The following DTHD1 variants were observed in gnomAD, a reference collection of about 807,000 sequenced individuals.
The protein encoded by DTHD1 is death domain containing 1, also known as death domain-containing protein 1.
DTHD1 carries 59 observed loss-of-function variants against 74.8 expected under a neutral mutation model. That is an observed-to-expected ratio of 0.79 (90% confidence interval 0.64 to 0.98). The LOEUF (loss-of-function observed/expected upper bound fraction) is 0.98. Ranked by LOEUF, DTHD1 falls within the 50% of genes least tolerant of loss-of-function variation. The pLI, the probability that DTHD1 is intolerant of heterozygous loss-of-function variation, is 0.00. For missense variants in DTHD1, 1,051 were observed against 1,065.4 expected (o/e 0.99, Z 0.19); for synonymous variants, 365 against 371.1 (o/e 0.98, Z 0.19).
At position 36,344,263 on chromosome 4, in the gene DTHD1, G is replaced by C. The variant is rs1275967416; in HGVS notation, c.*439G>C. 5.8e-6 allele frequency: 1 copy of C among 171,394 alleles called. No individual in the cohort carries two copies. Among genetic ancestry groups the C allele is most frequent in the Non-Finnish European group, 1.3e-5 (1 of 78,740 alleles). The allele number at this position is 171,394 out of a possible 1,614,324, so 10.6% of individuals were successfully genotyped here. A position where few individuals can be genotyped will look rare whatever the true frequency, so the allele number is the denominator to read the frequency against. On this transcript the variant is annotated 3_prime_UTR_variant, in exon 10 of 10. Coordinates refer to ENST00000639862, the MANE Select transcript of DTHD1 (RefSeq NM_001170700.3). ...CAATTTAGAAAGATTATTTTGCCAA[G>C]GTTAAGGACAGGCCCGTAACAGCCT...
intron 8 of DTHD1, among the ~76,000 whole-genome samples, chr4:36,331,378 T>C (rs1291111511): frequency 6.6e-6 from 1 of 152,180 alleles, no homozygotes; most frequent in Non-Finnish European, 1.5e-5. Context: ...CTTACTTAGT[T>C]GAAGTGGTCT....
intron 8 of DTHD1, among the ~76,000 whole-genome samples, chr4:36,317,735 T>C (rs1757812786): frequency 6.6e-6 from 1 of 152,236 alleles, no homozygotes; most frequent in Admixed American, 6.5e-5. Context: ...TAGTAACTGA[T>C]TGAAGTTATA....
chr4:36,328,434 T>C (rs534091278), intron 8 of DTHD1, among the ~76,000 whole-genome samples: 16 of 152,366 alleles, frequency 1.1e-4, no homozygotes, highest in African/African-American at 3.6e-4. Flanking sequence ...ATGCTGGTAC[T>C]ACGATCTTTT....
At chr4:36,319,419 G>A (rs1394359554) in intron 8 of DTHD1, among the ~76,000 whole-genome samples, 1 of 152,216 alleles carries the variant, frequency 6.6e-6, no homozygotes, top group Non-Finnish European at 1.5e-5. Context: ...TTAACTGACA[G>A]GCTAAGGCAT....
At chr4:36,329,269 G>A (rs1426961973) in intron 8 of DTHD1, among the ~76,000 whole-genome samples, 2 of 152,174 alleles carry the variant, frequency 1.3e-5, no homozygotes, top group Non-Finnish European at 2.9e-5. Flanking sequence ...AACTTCTGTA[G>A]CCTTGGATAG....
intron 7 of DTHD1, among the ~76,000 whole-genome samples, chr4:36,314,011 A>G (rs540919558): frequency 3.3e-5 from 5 of 151,914 alleles, no homozygotes; most frequent in Non-Finnish European, 7.4e-5. Context: ...TTTTTTAACC[A>G]AAGTGAGACA....
chr4:36,329,392 T>C (rs1316712066), intron 8 of DTHD1, among the ~76,000 whole-genome samples: 2 of 152,326 alleles, frequency 1.3e-5, no homozygotes, highest in East Asian at 3.9e-4. Context: ...TTTTCTGTTC[T>C]ATCCATATGG....
rs151082989 is a variant in DTHD1, at chr4:36,346,024, T to C, written c.*2200T>C. Among the ~76,000 whole-genome samples, 1 of 152,072 alleles carries C rather than the reference T, an allele frequency of 6.6e-6. No individual in the cohort carries two copies. The highest frequency in any genetic ancestry group is 2.4e-5 in the African/African-American group (1 of 41,484). On this transcript the variant is annotated 3_prime_UTR_variant, in exon 10 of 10. Transcript: ENST00000639862. ...GTCCACTTGTGCACCTCACATATGC[T>C]GTCACAAACACACCCCTCCTGCACA... is the stretch of plus-strand genomic sequence containing the variant.
In DTHD1 at chr4:36,344,561, A is replaced by G. The variant is rs999170945; in HGVS notation, c.*737A>G. 2.0e-5 allele frequency: 3 copies of G among 152,272 alleles called. No homozygotes were observed. Among genetic ancestry groups the G allele is most frequent in the African/African-American group, 7.2e-5 (3 of 41,460 alleles). 9.4% of individuals were successfully genotyped at this position (152,272 alleles called of 1,614,324 possible). On this transcript the variant is annotated 3_prime_UTR_variant, in exon 10 of 10. Transcript: ENST00000639862. ...GAAGTTATGGAGACCAAAGTTTTAT[A>G]ATGCAGATGAAGCCTCCAGGTAGCA...
At chr4:36,285,845 T>A (rs1213094819) in intron 2 of DTHD1, among the ~76,000 whole-genome samples, 2 of 152,178 alleles carry the variant, frequency 1.3e-5, no homozygotes, top group East Asian at 3.8e-4. Context: ...ACCAGGCCAC[T>A]TTTTCAGATA....
At chr4:36,329,218 G>A in intron 8 of DTHD1, among the ~76,000 whole-genome samples, 1 of 152,186 alleles carries the variant, frequency 6.6e-6, no homozygotes, top group East Asian at 1.9e-4. Context: ...CCAGTTAGGA[G>A]GGAGGGTAGT....
intron 8 of DTHD1, among the ~76,000 whole-genome samples, chr4:36,331,162 G>A (rs1312682466): frequency 1.3e-5 from 2 of 151,984 alleles, no homozygotes; most frequent in Non-Finnish European, 2.9e-5. Flanking sequence ...ACAGGTAAAA[G>A]TGATAAGATT....
intron 1 of DTHD1, among the ~76,000 whole-genome samples, chr4:36,282,709 A>C (rs1393338407): frequency 6.6e-6 from 1 of 152,172 alleles, no homozygotes; most frequent in African/African-American, 2.4e-5. Flanking sequence ...ATTCAACTCT[A>C]AATAATACAG....
chr4:36,337,866 GT>G (rs374650265), intron 8 of DTHD1, among the ~76,000 whole-genome samples: 3 of 152,220 alleles, frequency 2.0e-5, no homozygotes, highest in African/African-American at 7.2e-5. Context: ...TTTAAAAAAC[GT>G]TTTGACATAC....
intron 8 of DTHD1, among the ~76,000 whole-genome samples, chr4:36,330,836 T>C (rs1758620044): frequency 1.3e-5 from 2 of 152,162 alleles, no homozygotes; most frequent in Non-Finnish European, 2.9e-5. Context: ...ACGAAGCTTT[T>C]ATAGTAGCAT....
chr4:36,318,095 A>T (rs1426388423), intron 8 of DTHD1, among the ~76,000 whole-genome samples: 1 of 152,242 alleles, frequency 6.6e-6, no homozygotes, highest in Non-Finnish European at 1.5e-5. Context: ...ATGATACATA[A>T]TTGTTCTTAT....
Position 36,290,131 on chromosome 4 carries a change from C to A in DTHD1, c.888-242C>A, listed in dbSNP as rs574883795. Among the ~76,000 whole-genome samples the A allele has an allele frequency of 5.3e-5, 8 of 152,160 alleles. No homozygotes were observed. The South Asian group carries it at 1.7e-3, about 32-fold the overall frequency. On this transcript the variant is annotated intron_variant, in intron 2 of 9. Transcript: ENST00000639862. The stretch of plus-strand genomic sequence containing the variant: ...ACCAGACATAGCTCTAATTACTTAA[C>A]ATGTAATGGTTCATTTAATTCAATT...
chr4:36,318,435 T>C (rs1009480522), intron 8 of DTHD1, among the ~76,000 whole-genome samples: 1 of 152,156 alleles, frequency 6.6e-6, no homozygotes, highest in Non-Finnish European at 1.5e-5. Context: ...AACAGTCTCC[T>C]GGCGACATTA....
chr4:36,333,220 T>C (rs1758800491), intron 8 of DTHD1, among the ~76,000 whole-genome samples: 1 of 152,052 alleles, frequency 6.6e-6, no homozygotes, highest in African/African-American at 2.4e-5. Flanking sequence ...ATATAGTACA[T>C]GTTACATATA....
Sources: gnomAD v4.1 joint callset for allele counts (sites outside exome capture counted in the v4.1 genomes callset) on GRCh38, gnomAD v4.1.1 for gene constraint, MANE v1.5 for transcripts, NCBI Gene and HGNC (gene_info 2026-07-23, HGNC 2026-07-21) for gene names.